MED23: variants seen among roughly 807,000 people sequenced by gnomAD.
The protein encoded by MED23 is mediator of RNA polymerase II transcription subunit 23.
Under a neutral mutation model 163.9 loss-of-function variants are expected in MED23, and 105 were observed. The ratio of observed to expected loss-of-function variants is 0.64; its 90% CI spans 0.55 to 0.75. The LOEUF is 0.75. Ranked by LOEUF, MED23 falls within the 30% of genes least tolerant of loss-of-function variation. The probability of loss-of-function intolerance (pLI) is 0.00; values close to 1 mark genes in which losing one functional copy is unlikely to be tolerated. For synonymous variants in MED23, 561 were observed against 565.6 expected (o/e 0.99, Z 0.12); for missense variants, 1,054 against 1,649.0 (o/e 0.64, Z 6.25).
intron 5 of MED23, 93 bp downstream of exon 5, chr6:131,623,258 C>G: frequency 1.0e-6 from 1 of 1,003,676 alleles, no homozygotes; most frequent in Non-Finnish European, 1.6e-6. Flanking sequence ...GTAAATGCTT[C>G]CACATCATTT....
intron 28 of MED23, among the ~76,000 whole-genome samples, chr6:131,588,743 CCA>C (rs1774359047): frequency 6.6e-6 from 1 of 152,034 alleles, no homozygotes; most frequent in Non-Finnish European, 1.5e-5. Flanking sequence ...TTAAAATGGC[CCA>C]GATTCTGTTT....
chr6:131,600,164 T>C lies in MED23; in HGVS notation c.2096-2A>G, dbSNP rs1775359260. The C allele has an allele frequency of 6.2e-7, 1 of 1,601,658 alleles. No homozygotes were observed. On this transcript the variant is annotated splice_acceptor_variant, in intron 17 of 28. Coordinates refer to ENST00000368068, the MANE Select transcript of MED23 (RefSeq NM_004830.4). LOFTEE classifies it high-confidence loss of function. ...TTGAATCAGAGCCTGTAAAAAAATC[T>C]AAACATAAACAAATAGATGTAATCC...
chr6:131,586,696 C>T (rs960725452), downstream of MED23: 4 of 1,349,410 alleles, frequency 3.0e-6, no homozygotes, highest in African/African-American at 1.5e-5. Flanking sequence ...AGCCAGCACA[C>T]CACCTGGCAC....
In MED23 at chr6:131,602,016, G is replaced by A. The variant is rs187618103; in HGVS notation, c.2095+202C>T. 1.2e-4 allele frequency among the ~76,000 whole-genome samples: 19 copies of A among 152,236 alleles called. 1 individual carries two copies. Among genetic ancestry groups the A allele is most frequent in the African/African-American group, 4.3e-4 (18 of 41,546 alleles). ...TTTAAAATTATGGATAGCTGAAAACGATGCTCAACGCAGTTATTAATAGAA... is the reference window on the plus strand; with the variant it reads ...TTTAAAATTATGGATAGCTGAAAACAATGCTCAACGCAGTTATTAATAGAA... On this transcript the variant is annotated intron_variant, in intron 17 of 28. Coordinates refer to ENST00000368068, the MANE Select transcript of MED23 (RefSeq NM_004830.4).
chr6:131,616,069 T>C, intron 9 of MED23, 67 bp from the exon 10 acceptor site: 1 of 1,338,650 alleles, frequency 7.5e-7, no homozygotes, highest in Admixed American at 1.8e-5. Flanking sequence ...TTATTAGAAA[T>C]GAGATTAAAA....
In MED23 at chr6:131,628,153, G is replaced by T. The variant is rs536142975; in HGVS notation, c.-104C>A. 1.6e-3 allele frequency: 2,150 copies of T among 1,355,298 alleles called. 5 individuals carry two copies. The highest frequency in any genetic ancestry group is 1.9e-3 in the Non-Finnish European group (1,833 of 953,708). The allele number at this position is 1,355,298 out of a possible 1,614,324, so 84.0% of individuals were successfully genotyped here. On this transcript the variant is annotated 5_prime_UTR_variant, in exon 1 of 29. Coordinates refer to ENST00000368068, the MANE Select transcript of MED23 (RefSeq NM_004830.4). ...GGGGCGGAGACCTCTGGAGGAAACC[G>T]TAGCTCCTCGGCGTCGCTTCCTCCC... is the stretch of plus-strand genomic sequence containing the variant.
chr6:131,578,454 C>T (rs1210886821), intron 30 of MED23, among the ~76,000 whole-genome samples: 2 of 152,178 alleles, frequency 1.3e-5, no homozygotes, highest in Non-Finnish European at 2.9e-5. Flanking sequence ...GGAGCACACC[C>T]AGTCCTTAGG....
chr6:131,605,722 C>T (rs997402753), intron 13 of MED23, among the ~76,000 whole-genome samples: 8 of 152,116 alleles, frequency 5.3e-5, no homozygotes, highest in Non-Finnish European at 1.2e-4. Flanking sequence ...GTATGCACTA[C>T]ATATATGACC....
chr6:131,627,987 T>C (rs749740492), intron 1 of MED23, 24 bp downstream of exon 1: 6 of 1,613,938 alleles, frequency 3.7e-6, no homozygotes, highest in Middle Eastern at 1.6e-4. Flanking sequence ...GCCGTAGTCC[T>C]GGATGGCCGG....
chr6:131,593,266 G>T, intron 23 of MED23, 95 bp from the exon 24 acceptor site: 1 of 1,444,632 alleles, frequency 6.9e-7, no homozygotes, highest in Non-Finnish European at 9.7e-7. Context: ...TCTACGCTTA[G>T]AGAGATTAAG....
At chr6:131,580,963 C>T (rs1773888911) in intron 30 of MED23, among the ~76,000 whole-genome samples, 1 of 152,022 alleles carries the variant, frequency 6.6e-6, no homozygotes. Context: ...GGTTTTCTTA[C>T]AAGGTGGATT....
In MED23 at chr6:131,586,734, G is replaced by A. The variant is rs765106912; in HGVS notation, c.*945C>T. The A allele has an allele frequency of 6.7e-5, 96 of 1,438,484 alleles. 1 individual carries two copies. Among genetic ancestry groups the A allele is most frequent in the Admixed American group, 5.3e-4 (25 of 46,744 alleles). The allele number at this position is 1,438,484 out of a possible 1,614,324, so 89.1% of individuals were successfully genotyped here. On this transcript the variant is annotated 3_prime_UTR_variant, in exon 29 of 29. Coordinates refer to ENST00000368068, the MANE Select transcript of MED23 (RefSeq NM_004830.4). The stretch of plus-strand genomic sequence containing the variant: ...AGCCGACACTCATTCCAATGGAGTC[G>A]GGAAACAATCACACGGTTTATTCAT...
intron 5 of MED23, among the ~76,000 whole-genome samples, chr6:131,622,241 G>A (rs189629649): frequency 6.6e-6 from 1 of 152,250 alleles, no homozygotes. Context: ...AACATTAGAA[G>A]GGTTTACGTT....
intron 5 of MED23, 66 bp downstream of exon 5, chr6:131,623,285 A>G: frequency 5.7e-6 from 7 of 1,219,932 alleles, no homozygotes; most frequent in Non-Finnish European, 6.1e-6. Context: ...CCTGAAAATA[A>G]GACATGCACA....
chr6:131,589,721 T>C (rs985493785), intron 27 of MED23, 125 bp from the exon 28 acceptor site: 5 of 833,092 alleles, frequency 6.0e-6, no homozygotes, highest in Non-Finnish European at 1.0e-5. Flanking sequence ...AACTGTCATA[T>C]ACCATATACA....
chr6:131,607,844 C>T (rs920928120), intron 12 of MED23, 84 bp downstream of exon 12: 90 of 1,480,106 alleles, frequency 6.1e-5, no homozygotes, highest in Non-Finnish European at 7.9e-5. Flanking sequence ...TAGAAATACA[C>T]AAAATCACAC....
downstream of MED23, among the ~76,000 whole-genome samples, chr6:131,582,024 CAATAAA>C (rs1773953135): frequency 1.3e-5 from 2 of 152,018 alleles, no homozygotes; most frequent in South Asian, 2.1e-4. Flanking sequence ...CATAGTATAT[CAATAAA>C]AAGTTTTTAT....
At position 131,603,221 on chromosome 6, in the gene MED23, AT is replaced by A; in HGVS notation, c.1757-18del. 6.2e-7 allele frequency: 1 copy of A among 1,612,668 alleles called. No homozygotes were observed. The highest frequency in any genetic ancestry group is 8.5e-7 in the Non-Finnish European group (1 of 1,178,712). On this transcript the variant is annotated intron_variant, in intron 15 of 28. Transcript: ENST00000368068. ...AAAGCTGACCTGGAGGAAAAAGACA[AT>A]TTAAGGTACCAATTATTAAAGGCTA...
Position 131,628,141 on chromosome 6 carries a change from C to G in MED23, c.-92G>C. Reference sequence around the variant, plus strand: ...TATAGGGGCAGAGGGGCGGAGACCTCTGGAGGAAACCGTAGCTCCTCGGCG... The same window carrying G: ...TATAGGGGCAGAGGGGCGGAGACCTGTGGAGGAAACCGTAGCTCCTCGGCG... On this transcript the variant is annotated 5_prime_UTR_variant, in exon 1 of 29. Coordinates refer to ENST00000368068, the MANE Select transcript of MED23 (RefSeq NM_004830.4). The G allele has an allele frequency of 6.9e-7, 1 of 1,457,224 alleles. No homozygotes were observed. Among genetic ancestry groups the G allele is most frequent in the South Asian group, 1.1e-5 (1 of 87,936 alleles). The allele number at this position is 1,457,224 out of a possible 1,614,324, so 90.3% of individuals were successfully genotyped here. A position where few individuals can be genotyped will look rare whatever the true frequency, so the allele number is the denominator to read the frequency against.
Sources: allele counts gnomAD v4.1 joint callset (sites outside exome capture counted in the v4.1 genomes callset), GRCh38; gene constraint gnomAD v4.1.1; transcripts MANE v1.5; gene names NCBI Gene and HGNC (gene_info 2026-07-23, HGNC 2026-07-21).